The following COL27A1 variants were observed in gnomAD, a reference collection of about 807,000 sequenced individuals.
The protein encoded by COL27A1 is collagen type XXVII alpha 1 chain.
In COL27A1, 106 loss-of-function variants were observed where a neutral mutation model predicts 251.3. The ratio of observed to expected loss-of-function variants is 0.42; its 90% CI spans 0.36 to 0.50. The LOEUF (loss-of-function observed/expected upper bound fraction) is 0.50, where lower values mean the gene tolerates loss of function less well. Ranked by LOEUF, COL27A1 falls within the 20% of genes least tolerant of loss-of-function variation. COL27A1 has a pLI of 0.00. For missense variants in COL27A1, 2,325 were observed against 2,522.8 expected (o/e 0.92, Z 1.68); for synonymous variants, 1,000 against 986.3 (o/e 1.01, Z -0.26).
At chr9:114,164,339 G>T (rs1466106451) in intron 2 of COL27A1, among the ~76,000 whole-genome samples, 1 of 152,212 alleles carries the variant, frequency 6.6e-6, no homozygotes, top group Non-Finnish European at 1.5e-5. Flanking sequence ...CCTTTCCTAT[G>T]CCCTGCAGGG....
In COL27A1 at chr9:114,290,329, C is replaced by G; in HGVS notation, c.4366C>G (p.Gln1456Glu). 6.4e-7 allele frequency: 1 copy of G among 1,573,424 alleles called. No homozygotes were observed. Among genetic ancestry groups the G allele is most frequent in the Non-Finnish European group, 8.6e-7 (1 of 1,159,074 alleles). The change falls in exon 47 of 61, where the codon CAG becomes GAG. Residue 1456 changes from glutamine to glutamate, a missense_variant and splice_region_variant. Around this residue, in one of 4 missense-constraint regions of COL27A1, gnomAD observed 153 missense variants for 140.7 expected, o/e 1.09. Transcript: ENST00000356083. This position sits in a 1 kb window ranked among gnomAD's most constrained non-coding sequence, Gnocchi z 4.6. ...LPGRDGQAGQ[Q>E]GEQGDDGDPG... ...TGGCAGGGACGGGCAAGCAGGACAG[C>G]AGGTGAGCGGGAATTGGCATTAACA...
At chr9:114,262,042 T>C (rs1834377244) in intron 28 of COL27A1, among the ~76,000 whole-genome samples, 1 of 152,198 alleles carries the variant, frequency 6.6e-6, no homozygotes, top group South Asian at 2.1e-4. Flanking sequence ...CCCAGAGCTA[T>C]CCCTTTCTAG....
At chr9:114,161,430 A>G (rs1215342505) in intron 1 of COL27A1, among the ~76,000 whole-genome samples, 1 of 152,152 alleles carries the variant, frequency 6.6e-6, no homozygotes, top group Non-Finnish European at 1.5e-5. Context: ...GCAAGCAGGA[A>G]GGAGGGATGC....
intron 5 of COL27A1, among the ~76,000 whole-genome samples, chr9:114,187,437 A>G (rs1828440420): frequency 6.6e-6 from 1 of 152,266 alleles, no homozygotes; most frequent in African/African-American, 2.4e-5. Context: ...CAAGAGCTTT[A>G]TGTACTTTGC....
At chr9:114,205,611 G>C in intron 8 of COL27A1, 148 bp from the exon 9 acceptor site, 1 of 733,470 alleles carries the variant, frequency 1.4e-6, no homozygotes, top group South Asian at 1.6e-5. Context: ...CAGAGGGGTG[G>C]GCTTGGGGGC....
chr9:114,194,376 G>A, intron 5 of COL27A1, 28 bp from the exon 6 acceptor site: 1 of 1,612,308 alleles, frequency 6.2e-7, no homozygotes, highest in Admixed American at 1.7e-5. Flanking sequence ...ATGACTTGGT[G>A]GCCAAAGTGG....
intron 3 of COL27A1, among the ~76,000 whole-genome samples, chr9:114,171,973 C>A (rs1001336539): frequency 6.6e-6 from 1 of 152,252 alleles, no homozygotes; most frequent in African/African-American, 2.4e-5. Flanking sequence ...TGGGATGCAA[C>A]TTGTGGTCCC....
chr9:114,289,837 C>A (rs1188982822), intron 45 of COL27A1, among the ~76,000 whole-genome samples: 1 of 152,136 alleles, frequency 6.6e-6, no homozygotes, highest in African/African-American at 2.4e-5. Context: ...ATTGTCAATG[C>A]CAGTGAGGGG....
rs150833008 is a variant in COL27A1, at chr9:114,180,882, G to A, written c.1963-2140G>A. 4.2e-3 allele frequency among the ~76,000 whole-genome samples: 638 copies of A among 152,330 alleles called. 2 individuals carry two copies. Among genetic ancestry groups the A allele is most frequent in the African/African-American group, 0.014 (584 of 41,562 alleles). On this transcript the variant is annotated intron_variant, in intron 4 of 60. Coordinates refer to ENST00000356083, the MANE Select transcript of COL27A1 (RefSeq NM_032888.4). The stretch of plus-strand genomic sequence containing the variant: ...GCCCCCACCTTCAGAAGCTGCAGAT[G>A]GGGGAGCTGAGTGCTCTGGCCCACC...
chr9:114,291,053 G>A (rs1264911631), intron 48 of COL27A1, 136 bp downstream of exon 48: 14 of 598,842 alleles, frequency 2.3e-5, no homozygotes, highest in African/African-American at 5.7e-5. Flanking sequence ...ACCTTTCTCC[G>A]TCAGCAGTGC....
chr9:114,245,377 G>A (rs971574543), intron 23 of COL27A1, among the ~76,000 whole-genome samples: 2 of 151,930 alleles, frequency 1.3e-5, no homozygotes, highest in Admixed American at 6.6e-5. Context: ...GGCTGGTCTC[G>A]AACTCCTGAC....
At chr9:114,234,012 T>C (rs2135444180) in intron 16 of COL27A1, among the ~76,000 whole-genome samples, 1 of 152,196 alleles carries the variant, frequency 6.6e-6, no homozygotes, top group African/African-American at 2.4e-5. Context: ...AGATTTTCCA[T>C]GACCCAGCCT....
rs1248734147 is a variant in COL27A1, at chr9:114,176,230, T to G, written c.1909-2061T>G. Among the ~76,000 whole-genome samples, 6 of 152,164 alleles carry G rather than the reference T, an allele frequency of 3.9e-5. No individual in the cohort carries two copies. The East Asian group carries it at 1.2e-3, about 29-fold the overall frequency. ...CTCAGCCCCCTGCTTTTTCTTTAAT[T>G]CTGGGTCCACCTGGGACAGTTGGGT... On this transcript the variant is annotated intron_variant, in intron 3 of 60. Transcript: ENST00000356083.
chr9:114,277,576 A>G (rs973443438), intron 37 of COL27A1, among the ~76,000 whole-genome samples: 8 of 152,324 alleles, frequency 5.3e-5, no homozygotes, highest in African/African-American at 1.7e-4. Flanking sequence ...TGAAGTGCCA[A>G]TCCCCCTAAA....
intron 19 of COL27A1, among the ~76,000 whole-genome samples, chr9:114,239,179 C>T (rs536849694): frequency 6.6e-6 from 1 of 152,310 alleles, no homozygotes; most frequent in East Asian, 1.9e-4. Context: ...TCTCCAGCAC[C>T]CGGGTGAATT....
At chr9:114,258,642 C>T in intron 28 of COL27A1, 48 bp downstream of exon 28, 1 of 1,584,590 alleles carries the variant, frequency 6.3e-7, no homozygotes, top group Non-Finnish European at 8.6e-7. Context: ...GGAGGGGGCA[C>T]ACTTGGAACA....
intron 50 of COL27A1, 134 bp from the exon 51 acceptor site, chr9:114,300,491 T>G: frequency 3.2e-6 from 2 of 633,862 alleles, no homozygotes; most frequent in Non-Finnish European, 5.3e-6. Flanking sequence ...TTCTTACTCC[T>G]TCTGGGGCCT....
chr9:114,184,648 C>G (rs779806996), intron 5 of COL27A1, among the ~76,000 whole-genome samples: 44 of 152,178 alleles, frequency 2.9e-4, no homozygotes, highest in Non-Finnish European at 4.7e-4. Flanking sequence ...TATACTGAAC[C>G]CTTCCTGTGT....
At chr9:114,176,318 A>T (rs1827434912) in intron 3 of COL27A1, among the ~76,000 whole-genome samples, 2 of 152,150 alleles carry the variant, frequency 1.3e-5, no homozygotes, top group Non-Finnish European at 2.9e-5. Flanking sequence ...GTGAAGGAGG[A>T]TGGCTTAAAA....
Sources: allele counts gnomAD v4.1 joint callset (sites outside exome capture counted in the v4.1 genomes callset), GRCh38; gene constraint gnomAD v4.1.1; regional missense constraint gnomAD v4.1.1; non-coding constraint Gnocchi (gnomAD v3.1); transcripts MANE v1.5; gene names NCBI Gene and HGNC (gene_info 2026-07-23, HGNC 2026-07-21).